Variants in RNFT2 observed in about 807,000 individuals in gnomAD.
The protein encoded by RNFT2 is ring finger protein, transmembrane 2, also known as E3 ubiquitin-protein ligase RNFT2.
Under a neutral mutation model 53.0 loss-of-function variants are expected in RNFT2, and 36 were observed. The observed-to-expected ratio is 0.68, with a 90% CI of 0.52 to 0.90. The LOEUF is 0.90. RNFT2 is among the 40% of genes least tolerant of loss of function. RNFT2 has a pLI of 0.00. For synonymous variants in RNFT2, 260 were observed against 253.2 expected (o/e 1.03, Z -0.26); for missense variants, 514 against 585.6 (o/e 0.88, Z 1.26).
intron 5 of RNFT2, among the ~76,000 whole-genome samples, chr12:116,754,309 T>C (rs916349372): frequency 5.3e-5 from 8 of 152,214 alleles, no homozygotes; most frequent in Non-Finnish European, 2.9e-5. Flanking sequence ...CATTCCTTTT[T>C]ATGGCTGTGT....
chr12:116,829,736 T>C (rs900703918), intron 7 of RNFT2, among the ~76,000 whole-genome samples: 1 of 152,128 alleles, frequency 6.6e-6, no homozygotes, highest in Admixed American at 6.5e-5. Flanking sequence ...CGTGCCACCA[T>C]ACCCGGCTAT....
intron 3 of RNFT2, among the ~76,000 whole-genome samples, chr12:116,746,279 G>C (rs1003104726): frequency 7.2e-5 from 11 of 152,222 alleles, no homozygotes; most frequent in African/African-American, 4.8e-5. Flanking sequence ...GTAACTTCAG[G>C]TGCTGGGGCC....
intron 5 of RNFT2, among the ~76,000 whole-genome samples, chr12:116,766,328 A>G (rs1239774965): frequency 6.6e-6 from 1 of 152,204 alleles, no homozygotes; most frequent in African/African-American, 2.4e-5. Flanking sequence ...AAATGAAGAC[A>G]CTGAGACTTA....
chr12:116,829,583 A>G (rs1272845616), intron 7 of RNFT2, among the ~76,000 whole-genome samples: 1 of 152,150 alleles, frequency 6.6e-6, no homozygotes, highest in Non-Finnish European at 1.5e-5. Context: ...CTTCTGAGTG[A>G]CATGTGCCCA....
At position 116,836,640 on chromosome 12, in the gene RNFT2, A is replaced by G. The variant is rs116435200; in HGVS notation, c.1200+358A>G. Among the ~76,000 whole-genome samples, 244 of 152,240 alleles carry G rather than the reference A, an allele frequency of 1.6e-3. 1 individual carries two copies. The highest frequency in any genetic ancestry group is 5.5e-3 in the African/African-American group (227 of 41,536). ...TTCTCATGTCTAAAATGGACATAAT[A>G]GTGGCCAGGCACAGTGGCTCACACC... On this transcript the variant is annotated intron_variant, in intron 10 of 10. Transcript: ENST00000257575.
chr12:116,744,989 A>C lies in RNFT2; in HGVS notation c.83+3895A>C, dbSNP rs553133314. 2.0e-5 allele frequency among the ~76,000 whole-genome samples: 3 copies of C among 152,072 alleles called. No individual in the cohort carries two copies. The South Asian group carries it at 6.3e-4, about 32-fold the overall frequency. ...AGCTGAGCTCTTTGAAGTGCAGAAA[A>C]AGCTCAAGGCCCCTTGAGGATCATA... On this transcript the variant is annotated intron_variant, in intron 3 of 10. Transcript: ENST00000257575.
intron 5 of RNFT2, among the ~76,000 whole-genome samples, chr12:116,763,531 G>A (rs1358701125): frequency 6.6e-6 from 1 of 152,090 alleles, no homozygotes; most frequent in Non-Finnish European, 1.5e-5. Flanking sequence ...CACTTTGGGA[G>A]GCTGAGGTGG....
intron 4 of RNFT2, among the ~76,000 whole-genome samples, chr12:116,753,148 C>CTTTTTTTTTTTTTTTTTT (rs11377177): frequency 2.1e-5 from 2 of 93,690 alleles, no homozygotes; most frequent in Non-Finnish European, 3.9e-5. Context: ...TTTTCTTTTT[C>CTTTTTTTTTTTTTTTTTT]TTTTTTTTTT....
At chr12:116,780,411 G>A (rs568113813) in intron 7 of RNFT2, among the ~76,000 whole-genome samples, 2 of 152,204 alleles carry the variant, frequency 1.3e-5, no homozygotes, top group East Asian at 3.9e-4. Context: ...TTCACAATAC[G>A]GTTCCCACTC....
At chr12:116,787,337 C>G (rs776432193) in intron 7 of RNFT2, among the ~76,000 whole-genome samples, 3 of 152,230 alleles carry the variant, frequency 2.0e-5, no homozygotes, top group Non-Finnish European at 4.4e-5. Flanking sequence ...GTGCCTTGAG[C>G]AAGTCGCTTA....
At chr12:116,804,811 A>C (rs916804403) in intron 7 of RNFT2, among the ~76,000 whole-genome samples, 7 of 152,152 alleles carry the variant, frequency 4.6e-5, no homozygotes, top group Admixed American at 3.9e-4. Context: ...TACAAAACAT[A>C]CAAAAATTAG....
intron 3 of RNFT2, among the ~76,000 whole-genome samples, chr12:116,743,235 A>AAAAAAAAC (rs1871716796): frequency 8.7e-6 from 1 of 115,012 alleles, no homozygotes; most frequent in Non-Finnish European, 1.9e-5. Context: ...AAAAAAAAAA[A>AAAAAAAAC]AAAAAAAAAC....
chr12:116,839,812 G>A lies in RNFT2; in HGVS notation c.1200+3530G>A, dbSNP rs149020176. Among the ~76,000 whole-genome samples, 965 of 151,976 alleles carry A rather than the reference G, an allele frequency of 6.3e-3. 4 individuals carry two copies. The highest frequency in any genetic ancestry group is 0.01 in the Non-Finnish European group (698 of 67,938). ...AGGGAGGGGCGGAGGGGCCCACTAG[G>A]CTAAAGCCACACCTTGTCTCCCCTT... On this transcript the variant is annotated intron_variant, in intron 10 of 10. Coordinates refer to ENST00000257575, the MANE Select transcript of RNFT2 (RefSeq NM_001382266.1).
intron 7 of RNFT2, among the ~76,000 whole-genome samples, chr12:116,819,401 C>T (rs1412573841): frequency 1.3e-5 from 2 of 152,108 alleles, no homozygotes; most frequent in African/African-American, 4.8e-5. Context: ...AGCGGGGCGG[C>T]CCGGGGCGCG....
rs12231554 is a variant in RNFT2 at position 116,766,010 on chromosome 12, G to T, written c.628-804G>T. On this transcript the variant is annotated intron_variant, in intron 5 of 10. Transcript: ENST00000257575. Reference sequence around the variant, plus strand: ...GTTTGCATTTAAAAATTTGACTTTTGCCTGTAATTCCAGTGTTTTGGGAGC... The same window carrying T: ...GTTTGCATTTAAAAATTTGACTTTTTCCTGTAATTCCAGTGTTTTGGGAGC... 3.3e-5 allele frequency among the ~76,000 whole-genome samples: 5 copies of T among 152,214 alleles called. No homozygotes were observed. The South Asian group carries it at 1.0e-3, about 32-fold the overall frequency.
At chr12:116,756,306 GTT>G (rs376279220) in intron 5 of RNFT2, among the ~76,000 whole-genome samples, 1 of 149,522 alleles carries the variant, frequency 6.7e-6, no homozygotes, top group East Asian at 2.2e-4. Flanking sequence ...TATTCCTAAG[GTT>G]TTTTTTTGTT....
At chr12:116,825,612 G>C (rs1876284196) in intron 7 of RNFT2, among the ~76,000 whole-genome samples, 1 of 152,178 alleles carries the variant, frequency 6.6e-6, no homozygotes, top group Non-Finnish European at 1.5e-5. Context: ...GCAAACAGTT[G>C]TTAAATCATT....
chr12:116,810,206 G>A (rs1466699236), intron 7 of RNFT2, among the ~76,000 whole-genome samples: 1 of 152,040 alleles, frequency 6.6e-6, no homozygotes, highest in Non-Finnish European at 1.5e-5. Flanking sequence ...AGGCCCTCTG[G>A]GAAAACAGAG....
chr12:116,850,427 G>A lies in RNFT2; in HGVS notation c.*979G>A, dbSNP rs1877864018. The A allele has an allele frequency of 6.6e-6, 1 of 151,346 alleles. No homozygotes were observed. Among genetic ancestry groups the A allele is most frequent in the African/African-American group, 2.4e-5 (1 of 41,120 alleles). The allele number at this position is 151,346 out of a possible 1,614,324, so 9.4% of individuals were successfully genotyped here. Reference sequence around the variant, plus strand: ...AATCCTCCTGTCCTGGCCTCGCAAAGTGCTGAGTGCTGGAATTACAGGTAT... The same window carrying A: ...AATCCTCCTGTCCTGGCCTCGCAAAATGCTGAGTGCTGGAATTACAGGTAT... On this transcript the variant is annotated 3_prime_UTR_variant, in exon 11 of 11. Transcript: ENST00000257575.
Sources: gnomAD v4.1 joint callset for allele counts (sites outside exome capture counted in the v4.1 genomes callset) on GRCh38, gnomAD v4.1.1 for gene constraint, MANE v1.5 for transcripts, NCBI Gene and HGNC (gene_info 2026-07-23, HGNC 2026-07-21) for gene names.